Variants in PKNOX2 observed in about 807,000 individuals in gnomAD.
The protein encoded by PKNOX2 is homeobox protein PKNOX2.
In PKNOX2, 14 loss-of-function variants were observed where a neutral mutation model predicts 53.1. The ratio of observed to expected loss-of-function variants is 0.26; its 90% CI spans 0.17 to 0.41. The LOEUF (loss-of-function observed/expected upper bound fraction) is 0.41. Among genes scored for constraint, PKNOX2 ranks in the 10% least tolerant of loss-of-function variants. The probability of loss-of-function intolerance (pLI) is 1.00; values close to 1 mark genes in which losing one functional copy is unlikely to be tolerated. For synonymous variants in PKNOX2, 257 were observed against 242.8 expected (o/e 1.06, Z -0.54); for missense variants, 496 against 602.8 (o/e 0.82, Z 1.85).
intron 2 of PKNOX2, among the ~76,000 whole-genome samples, chr11:125,256,725 T>G (rs565080572): frequency 6.6e-6 from 1 of 152,196 alleles, no homozygotes; most frequent in Admixed American, 6.5e-5. Flanking sequence ...TTTTTCCAGA[T>G]AGCCACTTCC....
chr11:125,183,649 T>G (rs11219954), intron 1 of PKNOX2, among the ~76,000 whole-genome samples: 88 of 152,190 alleles, frequency 5.8e-4, no homozygotes, highest in Non-Finnish European at 8.7e-4. Context: ...TATTAACTTT[T>G]TTTTTTTGCA....
intron 1 of PKNOX2, among the ~76,000 whole-genome samples, chr11:125,228,951 T>C (rs1299230841): frequency 6.6e-6 from 1 of 152,010 alleles, no homozygotes; most frequent in Non-Finnish European, 1.5e-5. Flanking sequence ...GTGGGGAAAG[T>C]GTCCACAATG....
At chr11:125,345,745 G>A (rs1185483614) in intron 3 of PKNOX2, among the ~76,000 whole-genome samples, 1 of 152,008 alleles carries the variant, frequency 6.6e-6, no homozygotes, top group African/African-American at 2.4e-5. Context: ...GGGTGAATTT[G>A]TTTCCAAAAG....
At chr11:125,424,205 G>A (rs58348643) in intron 10 of PKNOX2, among the ~76,000 whole-genome samples, 2,706 of 152,076 alleles carry the variant, frequency 0.018, 63 homozygotes, top group African/African-American at 0.06. Context: ...GCTTTTCTTC[G>A]TACTTTTCTG....
At chr11:125,364,993 T>C (rs564483227) in intron 4 of PKNOX2, among the ~76,000 whole-genome samples, 59 of 152,242 alleles carry the variant, frequency 3.9e-4, no homozygotes, top group African/African-American at 1.3e-3. Context: ...CATTCCAGCC[T>C]TAAAGAGTTG....
intron 10 of PKNOX2, among the ~76,000 whole-genome samples, chr11:125,416,694 G>T (rs1955903964): frequency 1.3e-5 from 2 of 152,048 alleles, no homozygotes; most frequent in African/African-American, 4.8e-5. Context: ...CATTCAGAGT[G>T]CTGCAGACAG....
At chr11:125,407,292 C>T (rs1955165733) in intron 7 of PKNOX2, among the ~76,000 whole-genome samples, 1 of 152,122 alleles carries the variant, frequency 6.6e-6, no homozygotes, top group Non-Finnish European at 1.5e-5. Flanking sequence ...GAGAAGCAGC[C>T]AGGGTCTGAG....
chr11:125,303,700 G>C (rs1047238080), intron 2 of PKNOX2, among the ~76,000 whole-genome samples: 33 of 152,136 alleles, frequency 2.2e-4, no homozygotes, highest in African/African-American at 7.7e-4. Context: ...GGACAAAGCT[G>C]TATCAGCATT....
intron 2 of PKNOX2, among the ~76,000 whole-genome samples, chr11:125,297,979 A>T (rs1161983697): frequency 6.6e-6 from 1 of 152,158 alleles, no homozygotes; most frequent in Non-Finnish European, 1.5e-5. Flanking sequence ...ACATCCTGGG[A>T]CCTGTCATAT....
At chr11:125,349,676 C>G (rs1405993074) in intron 3 of PKNOX2, among the ~76,000 whole-genome samples, 1 of 152,216 alleles carries the variant, frequency 6.6e-6, no homozygotes, top group African/African-American at 2.4e-5. Flanking sequence ...ACACTCCCCA[C>G]ACTGTTCTCT....
intron 1 of PKNOX2, among the ~76,000 whole-genome samples, chr11:125,188,946 T>C (rs961758610): frequency 6.6e-6 from 1 of 152,038 alleles, no homozygotes; most frequent in African/African-American, 2.4e-5. Context: ...CCTGAGGTTT[T>C]CTGAGTCCCG....
intron 5 of PKNOX2, among the ~76,000 whole-genome samples, chr11:125,377,354 C>T (rs184600588): frequency 5.3e-5 from 8 of 152,172 alleles, no homozygotes; most frequent in African/African-American, 1.7e-4. Context: ...TCGGAGGAGG[C>T]GATGGTTTCT....
At chr11:125,277,728 CAAT>C (rs1946269515) in intron 2 of PKNOX2, 1 of 152,082 alleles carries the variant, frequency 6.6e-6, no homozygotes, top group Non-Finnish European at 1.5e-5. Flanking sequence ...TTATAGTTAA[CAAT>C]AAATTATTGT....
intron 1 of PKNOX2, among the ~76,000 whole-genome samples, chr11:125,205,373 A>G (rs564007259): frequency 6.6e-6 from 1 of 152,350 alleles, no homozygotes; most frequent in East Asian, 1.9e-4. Flanking sequence ...CCCCACAACC[A>G]TGTTCTTCAT....
intron 3 of PKNOX2, among the ~76,000 whole-genome samples, chr11:125,335,244 C>G (rs113083750): frequency 2.0e-5 from 3 of 152,212 alleles, no homozygotes; most frequent in Admixed American, 6.5e-5. Flanking sequence ...GTAGGATTCT[C>G]TCTCTGCAGG....
At chr11:125,218,835 CA>C (rs1335914561) in intron 1 of PKNOX2, among the ~76,000 whole-genome samples, 1 of 152,160 alleles carries the variant, frequency 6.6e-6, no homozygotes, top group Non-Finnish European at 1.5e-5. Context: ...TTATGTGTTA[CA>C]AAGTTCAGTA....
chr11:125,389,055 T>C (rs146634517), intron 6 of PKNOX2, among the ~76,000 whole-genome samples: 2,132 of 152,210 alleles, frequency 0.014, 51 homozygotes, highest in East Asian at 0.044. Context: ...ATTAGCCAGG[T>C]GTGGTGGTAC....
At position 125,185,731 on chromosome 11, in the gene PKNOX2, C is replaced by T. The variant is rs937878655; in HGVS notation, c.-201+20955C>T. 8.5e-5 allele frequency among the ~76,000 whole-genome samples: 13 copies of T among 152,104 alleles called. 1 individual carries two copies. Among genetic ancestry groups the T allele is most frequent in the Admixed American group, 8.5e-4 (13 of 15,258 alleles). On this transcript the variant is annotated intron_variant, in intron 1 of 12. Coordinates refer to ENST00000298282, the MANE Select transcript of PKNOX2 (RefSeq NM_001382323.2). ...AATAATATTTCATTGAATGTAGATA[C>T]CACATTTTGTTCATCCATTCACCTG...
chr11:125,239,995 T>A (rs1318867658), intron 2 of PKNOX2: 2 of 152,254 alleles, frequency 1.3e-5, no homozygotes, highest in African/African-American at 4.8e-5. Flanking sequence ...ATAATGGCTG[T>A]TCTGTGATTC....
Sources: gnomAD v4.1 joint callset for allele counts (sites outside exome capture counted in the v4.1 genomes callset) on GRCh38, gnomAD v4.1.1 for gene constraint, MANE v1.5 for transcripts, NCBI Gene and HGNC (gene_info 2026-07-23, HGNC 2026-07-21) for gene names.